The following SSBP3 variants were observed in gnomAD, a reference collection of about 807,000 sequenced individuals.
SSBP3 encodes single stranded DNA binding protein 3.
In SSBP3, 5 loss-of-function variants were observed where a neutral mutation model predicts 69.6. That is an observed-to-expected ratio of 0.07 (90% CI 0.04 to 0.15). The LOEUF is 0.15. Ranked by LOEUF, SSBP3 falls within the 10% of genes least tolerant of loss-of-function variation. The probability of loss-of-function intolerance (pLI) is 1.00; values close to 1 mark genes in which losing one functional copy is unlikely to be tolerated. For synonymous variants in SSBP3, 196 were observed against 193.4 expected (o/e 1.01, Z -0.11); for missense variants, 312 against 534.0 (o/e 0.58, Z 4.10).
chr1:54,343,138 G>C (rs556085596), intron 4 of SSBP3, among the ~76,000 whole-genome samples: 195 of 152,262 alleles, frequency 1.3e-3, no homozygotes, highest in Non-Finnish European at 2.1e-3. Flanking sequence ...AGGACAGGTG[G>C]GGGGAAGAGG....
chr1:54,320,073 GGAGGTGAATCTTCA>G (rs1203597973), intron 4 of SSBP3, among the ~76,000 whole-genome samples: 1 of 152,198 alleles, frequency 6.6e-6, no homozygotes, highest in Non-Finnish European at 1.5e-5. Flanking sequence ...GGCTGGAGAG[GGAGGTGAATCTTCA>G]GAGGTGAATC....
At chr1:54,391,508 G>C (rs1286309199) in intron 4 of SSBP3, among the ~76,000 whole-genome samples, 1 of 152,224 alleles carries the variant, frequency 6.6e-6, no homozygotes, top group Non-Finnish European at 1.5e-5. Flanking sequence ...CGCTGCAGCA[G>C]TATCCCAGAA....
chr1:54,390,686 GTGGCTGAAATTCCCTGT>G (rs1284584725), intron 4 of SSBP3, among the ~76,000 whole-genome samples: 3 of 152,228 alleles, frequency 2.0e-5, no homozygotes, highest in Non-Finnish European at 4.4e-5. Flanking sequence ...AGATAACGTG[GTGGCTGAAATTCCCTGT>G]CATGCTGTAA....
At chr1:54,407,652 C>T (rs1383339854), upstream of SSBP3, among the ~76,000 whole-genome samples, 1 of 150,894 alleles carries the variant, frequency 6.6e-6, no homozygotes, top group East Asian at 2.0e-4. Context: ...GGCACTGTCT[C>T]TTTAAAAGAG....
intron 4 of SSBP3, chr1:54,326,299 C>CG (rs1055243438): frequency 6.6e-6 from 1 of 152,384 alleles, no homozygotes; most frequent in Non-Finnish European, 1.5e-5. Flanking sequence ...ATGCCCATTC[C>CG]GGGGGACACC....
intron 4 of SSBP3, among the ~76,000 whole-genome samples, chr1:54,369,428 G>C (rs1647089077): frequency 6.6e-6 from 1 of 152,166 alleles, no homozygotes; most frequent in African/African-American, 2.4e-5. Context: ...AAGGCATCTT[G>C]AAAACCAAGG....
intron 7 of SSBP3, among the ~76,000 whole-genome samples, chr1:54,252,108 G>T (rs1453917228): frequency 6.6e-6 from 1 of 152,194 alleles, no homozygotes; most frequent in Admixed American, 6.5e-5. Context: ...GCCTCATCCT[G>T]CTGTCTTGGG....
chr1:54,227,189 G>C lies in SSBP3; in HGVS notation c.1138-29C>G, dbSNP rs770938911. On this transcript the variant is annotated intron_variant, in intron 17 of 17. Coordinates refer to ENST00000610401, the Ensembl canonical transcript of SSBP3. ...GAAAGGAGAAGCAGAGAAGGGGGGGGGGTGAGGATTGTGGGGAGGCCGCTG... is the reference window on the plus strand; with the variant it reads ...GAAAGGAGAAGCAGAGAAGGGGGGGCGGTGAGGATTGTGGGGAGGCCGCTG... 6.0e-5 allele frequency: 71 copies of C among 1,178,534 alleles called. 5 individuals are homozygous for C. Among genetic ancestry groups the C allele is most frequent in the East Asian group, 2.4e-4 (9 of 37,410 alleles). 73.0% of individuals were successfully genotyped at this position (1,178,534 alleles called of 1,614,324 possible).
At chr1:54,226,801 C>G in exon 18 of SSBP3, 1 of 270,714 alleles carries the variant, frequency 3.7e-6, no homozygotes, top group Non-Finnish European at 7.1e-6. Context: ...AATGGTAAAA[C>G]CCCAAACAAA....
At chr1:54,387,674 C>T (rs1557585209) in intron 4 of SSBP3, among the ~76,000 whole-genome samples, 1 of 152,168 alleles carries the variant, frequency 6.6e-6, no homozygotes, top group Non-Finnish European at 1.5e-5. Context: ...TGACTAATTA[C>T]AGATTTTAAT....
chr1:54,362,958 G>C (rs1646972903), intron 4 of SSBP3, among the ~76,000 whole-genome samples: 1 of 152,086 alleles, frequency 6.6e-6, no homozygotes, highest in African/African-American at 2.4e-5. Context: ...CTGTCTCACG[G>C]GGGGCGGGGC....
At chr1:54,291,369 C>T (rs1557502073) in intron 4 of SSBP3, among the ~76,000 whole-genome samples, 1 of 152,122 alleles carries the variant, frequency 6.6e-6, no homozygotes, top group Non-Finnish European at 1.5e-5. Flanking sequence ...ATAATTCAAA[C>T]CCAACACTGC....
chr1:54,233,539 G>A (rs976512099), intron 14 of SSBP3, among the ~76,000 whole-genome samples: 3 of 146,498 alleles, frequency 2.0e-5, no homozygotes, highest in African/African-American at 7.6e-5. Flanking sequence ...AGGGAGGTGG[G>A]GGGGGTAAGC....
In SSBP3 at chr1:54,316,690, AAAT is replaced by A. The variant is rs1476615959; in HGVS notation, c.277-35166_277-35164del. ...TAAATAAATAAATAAATAAATAAAT[AAAT>A]AAATAAATAAATAAATAAAATAAAA... On this transcript the variant is annotated intron_variant, in intron 4 of 17. Coordinates refer to ENST00000610401, the Ensembl canonical transcript of SSBP3. Among the ~76,000 whole-genome samples, 5 of 130,662 alleles carry A rather than the reference AAAT, an allele frequency of 3.8e-5. 1 individual carries two copies. Among genetic ancestry groups the A allele is most frequent in the African/African-American group, 1.4e-4 (4 of 28,694 alleles). The allele number at this position is 130,662 out of a possible 152,430, so 85.7% of individuals were successfully genotyped here.
chr1:54,355,109 C>T (rs1375116626), intron 4 of SSBP3, among the ~76,000 whole-genome samples: 1 of 152,214 alleles, frequency 6.6e-6, no homozygotes, highest in African/African-American at 2.4e-5. Context: ...CAGGCCAGGA[C>T]AACGGTGTGA....
intron 4 of SSBP3, among the ~76,000 whole-genome samples, chr1:54,321,376 T>C (rs12021758): frequency 0.36 from 55,157 of 152,182 alleles, 11,607 homozygotes; most frequent in African/African-American, 0.57. Context: ...TGAGTGGGGC[T>C]GTCATTTGCC....
chr1:54,350,120 G>T (rs1431447756), intron 4 of SSBP3, among the ~76,000 whole-genome samples: 1 of 152,156 alleles, frequency 6.6e-6, no homozygotes, highest in Non-Finnish European at 1.5e-5. Context: ...GCATCCACGT[G>T]AAAAGGCATC....
At chr1:54,263,088 G>A (rs939023488) in intron 5 of SSBP3, among the ~76,000 whole-genome samples, 2 of 152,180 alleles carry the variant, frequency 1.3e-5, no homozygotes, top group Non-Finnish European at 2.9e-5. Flanking sequence ...GGGCCCAGGA[G>A]GCTCTGTTAT....
chr1:54,371,433 G>A (rs138040087), intron 4 of SSBP3, among the ~76,000 whole-genome samples: 10 of 152,308 alleles, frequency 6.6e-5, no homozygotes, highest in South Asian at 2.1e-4. Flanking sequence ...AGGCTTGGGC[G>A]ATTTTAAGCC....
Sources: gnomAD v4.1 joint callset for allele counts (sites outside exome capture counted in the v4.1 genomes callset) on GRCh38, gnomAD v4.1.1 for gene constraint, MANE v1.5 for transcripts, NCBI Gene and HGNC (gene_info 2026-07-23, HGNC 2026-07-21) for gene names.